Variants in TOX2 observed in about 807,000 individuals in gnomAD.
TOX2 encodes granulosa cell HMG box 1.
Under a neutral mutation model 47.4 loss-of-function variants are expected in TOX2, and 15 were observed. That is an observed-to-expected ratio of 0.32 (90% CI 0.21 to 0.49). The LOEUF (loss-of-function observed/expected upper bound fraction) is 0.49, where lower values mean the gene tolerates loss of function less well. TOX2 is among the 20% of genes least tolerant of loss of function. The pLI is 0.99. For missense variants in TOX2, 622 were observed against 673.1 expected, an observed-to-expected ratio of 0.92 and a Z score of 0.84; for synonymous variants, 290 against 296.6, an observed-to-expected ratio of 0.98 and a Z score of 0.23.
At chr20:44,057,465 C>A (rs995566961) in intron 5 of TOX2, among the ~76,000 whole-genome samples, 1 of 151,660 alleles carries the variant, frequency 6.6e-6, no homozygotes, top group African/African-American at 2.4e-5. Context: ...ACACTAATAA[C>A]CAAGAGAGGT....
chr20:43,928,495 C>T (rs1425854672), intron 1 of TOX2, among the ~76,000 whole-genome samples: 1 of 152,256 alleles, frequency 6.6e-6, no homozygotes, highest in Non-Finnish European at 1.5e-5. Flanking sequence ...TAAATGTCTG[C>T]ATGCCGACCT....
At chr20:44,003,779 G>A (rs2070629187) in intron 2 of TOX2, among the ~76,000 whole-genome samples, 1 of 152,184 alleles carries the variant, frequency 6.6e-6, no homozygotes. Flanking sequence ...AGAGGGAACT[G>A]TGTAGGGGAG....
intron 1 of TOX2, chr20:43,945,622 T>C (rs1600668947): frequency 2.9e-6 from 1 of 348,934 alleles, no homozygotes; most frequent in East Asian, 6.3e-5. Context: ...GGGAAGGCTC[T>C]TAAGCCACAA....
At chr20:43,927,069 A>G (rs2069176720) in intron 1 of TOX2, among the ~76,000 whole-genome samples, 1 of 152,238 alleles carries the variant, frequency 6.6e-6, no homozygotes, top group South Asian at 2.1e-4. Context: ...CTTAGCTTCA[A>G]GGACCCAGGG....
intron 1 of TOX2, among the ~76,000 whole-genome samples, chr20:43,921,287 T>A (rs528598292): frequency 1.3e-5 from 2 of 152,302 alleles, no homozygotes; most frequent in East Asian, 3.9e-4. Context: ...CCTTGCCCCA[T>A]GTGATTCTGT....
chr20:43,951,728 T>TTTTTTTTTTTTTTTTTTTTTTTTTTG (rs1344889572), intron 1 of TOX2, among the ~76,000 whole-genome samples: 2 of 143,926 alleles, frequency 1.4e-5, no homozygotes, highest in Admixed American at 7.0e-5. Flanking sequence ...TTTTTTTTTT[T>TTTTTTTTTTTTTTTTTTTTTTTTTTG]AGAGAAAGGG....
At chr20:43,954,065 A>G (rs1273859508) in intron 1 of TOX2, among the ~76,000 whole-genome samples, 1 of 152,146 alleles carries the variant, frequency 6.6e-6, no homozygotes, top group Non-Finnish European at 1.5e-5. Context: ...CCCCTGCAAG[A>G]ACTCTCCAAG....
chr20:43,938,064 T>A (rs1179881743), intron 1 of TOX2, among the ~76,000 whole-genome samples: 1 of 152,214 alleles, frequency 6.6e-6, no homozygotes, highest in East Asian at 1.9e-4. Flanking sequence ...CTTTGAGGGC[T>A]GTTAACCTCA....
chr20:43,975,008 C>A (rs1011293207), intron 2 of TOX2, among the ~76,000 whole-genome samples: 15 of 152,374 alleles, frequency 9.8e-5, no homozygotes, highest in African/African-American at 3.4e-4. Flanking sequence ...TGGAAGAGTA[C>A]ACTGATGTCA....
intron 2 of TOX2, among the ~76,000 whole-genome samples, chr20:43,998,852 C>T (rs1318079480): frequency 6.6e-6 from 1 of 152,112 alleles, no homozygotes; most frequent in Non-Finnish European, 1.5e-5. Flanking sequence ...CCCTGCTTCC[C>T]GGGTTCAAGG....
At chr20:44,039,462 C>A (rs2071297986) in intron 3 of TOX2, among the ~76,000 whole-genome samples, 1 of 152,114 alleles carries the variant, frequency 6.6e-6, no homozygotes, top group African/African-American at 2.4e-5. Flanking sequence ...ACTGCAGGGG[C>A]CAGCATGGTG....
chr20:44,007,888 A>C (rs2070714922), intron 3 of TOX2, among the ~76,000 whole-genome samples: 1 of 152,146 alleles, frequency 6.6e-6, no homozygotes, highest in Non-Finnish European at 1.5e-5. Flanking sequence ...GGCAACCACT[A>C]ATTGACTTTC....
intron 5 of TOX2, 64 bp downstream of exon 5, chr20:44,054,590 C>A (rs1284719355): frequency 6.6e-7 from 1 of 1,513,816 alleles, no homozygotes; most frequent in East Asian, 2.4e-5. Context: ...CAAGGACACA[C>A]TTTGAAGGTC....
intron 2 of TOX2, among the ~76,000 whole-genome samples, chr20:43,991,917 G>T (rs922762982): frequency 6.6e-6 from 1 of 152,154 alleles, no homozygotes; most frequent in Non-Finnish European, 1.5e-5. Flanking sequence ...TTACAGACGT[G>T]AGCCACTGCA....
At chr20:43,961,992 C>T (rs181584352) in intron 1 of TOX2, among the ~76,000 whole-genome samples, 1 of 152,286 alleles carries the variant, frequency 6.6e-6, no homozygotes, top group East Asian at 1.9e-4. Flanking sequence ...CCCCTCACAG[C>T]GCCAAATGAA....
intron 2 of TOX2, among the ~76,000 whole-genome samples, chr20:43,994,606 G>C (rs1029116984): frequency 6.6e-6 from 1 of 152,078 alleles, no homozygotes; most frequent in African/African-American, 2.4e-5. Flanking sequence ...TGCTACTTAA[G>C]TTCTGCTGGG....
At chr20:43,992,147 G>T (rs796175136) in intron 2 of TOX2, among the ~76,000 whole-genome samples, 5 of 152,288 alleles carry the variant, frequency 3.3e-5, no homozygotes, top group African/African-American at 1.2e-4. Context: ...GCAGTAGAGG[G>T]AACAGCCAGC....
chr20:43,972,513 G>A (rs2069992907), intron 1 of TOX2, among the ~76,000 whole-genome samples: 1 of 152,184 alleles, frequency 6.6e-6, no homozygotes, highest in African/African-American at 2.4e-5. Flanking sequence ...TAGCTTAAGG[G>A]AAGGGAACTA....
chr20:44,023,810 A>G (rs1363600556), intron 3 of TOX2, among the ~76,000 whole-genome samples: 1 of 152,208 alleles, frequency 6.6e-6, no homozygotes, highest in Non-Finnish European at 1.5e-5. Flanking sequence ...TCTGCTTCTC[A>G]TGCAGGACAG....
Sources: allele counts gnomAD v4.1 joint callset (sites outside exome capture counted in the v4.1 genomes callset), GRCh38; gene constraint gnomAD v4.1.1; transcripts MANE v1.5; gene names NCBI Gene and HGNC (gene_info 2026-07-23, HGNC 2026-07-21).